Variants in AXL observed in about 807,000 individuals in gnomAD.
The protein encoded by AXL is AXL receptor tyrosine kinase.
In AXL, 52 loss-of-function variants were observed where a neutral mutation model predicts 104.5. That is an observed-to-expected ratio of 0.50 (90% CI 0.40 to 0.63). AXL has a LOEUF of 0.63. Among genes scored for constraint, AXL ranks in the 20% least tolerant of loss-of-function variants. AXL has a pLI of 0.00. For synonymous variants in AXL, 455 were observed against 473.7 expected (o/e 0.96, Z 0.51); for missense variants, 1,024 against 1,188.5 (o/e 0.86, Z 2.04).
chr19:41,228,425 G>A (rs1204080524), intron 4 of AXL, among the ~76,000 whole-genome samples: 1 of 152,002 alleles, frequency 6.6e-6, no homozygotes, highest in East Asian at 1.9e-4. Context: ...ATGGTGGCGC[G>A]CTCCTGTAAT....
intron 14 of AXL, among the ~76,000 whole-genome samples, chr19:41,249,127 C>A (rs772884206): frequency 2.0e-5 from 3 of 152,102 alleles, no homozygotes; most frequent in Non-Finnish European, 4.4e-5. Context: ...CAGCTAGGGA[C>A]ACCAGGCAGG....
chr19:41,242,844 A>G (rs1423768748), intron 10 of AXL, 39 bp from the exon 11 acceptor site: 3 of 1,612,146 alleles, frequency 1.9e-6, no homozygotes, highest in Admixed American at 3.3e-5. Flanking sequence ...GCTGGATCCA[A>G]GGCTTCATCC....
chr19:41,240,716 C>T (rs1274649849), intron 10 of AXL, among the ~76,000 whole-genome samples: 1 of 152,096 alleles, frequency 6.6e-6, no homozygotes, highest in Non-Finnish European at 1.5e-5. Flanking sequence ...TCCGTTCCTC[C>T]CACATGACCC....
chr19:41,245,081 C>T (rs1186683472), intron 12 of AXL, among the ~76,000 whole-genome samples: 1 of 151,868 alleles, frequency 6.6e-6, no homozygotes, highest in African/African-American at 2.4e-5. Context: ...CAGGCACATG[C>T]CACAACGCCT....
intron 12 of AXL, among the ~76,000 whole-genome samples, chr19:41,245,713 CA>C (rs371879527): frequency 0.21 from 13,136 of 62,962 alleles, 463 homozygotes; most frequent in African/African-American, 0.24. Context: ...GACACCGTCT[CA>C]AAAAAAAAAA....
At chr19:41,230,909 C>T (rs2033974592) in intron 4 of AXL, 58 bp from the exon 5 acceptor site, 3 of 1,569,070 alleles carry the variant, frequency 1.9e-6, no homozygotes, top group Non-Finnish European at 2.6e-6. Context: ...CCGGCATGGC[C>T]CCGGAGCCCT....
Position 41,242,869 on chromosome 19 carries a change from A to T in AXL, c.1313-14A>T, listed in dbSNP as rs758438429. The T allele has an allele frequency of 1.9e-5, 31 of 1,613,896 alleles. No individual in the cohort carries two copies. In the Admixed American group the frequency reaches 5.0e-4, roughly 26 times the overall value. On this transcript the variant is annotated splice_polypyrimidine_tract_variant and intron_variant, in intron 10 of 19. Coordinates refer to ENST00000301178, the MANE Select transcript of AXL (RefSeq NM_021913.5). Reference sequence around the variant, plus strand: ...AGGCTTCATCCATGACCTGTTCCTCATACCCCCTGATAGTGAAGGAACCTT... The same window carrying T: ...AGGCTTCATCCATGACCTGTTCCTCTTACCCCCTGATAGTGAAGGAACCTT...
rs1261256420 is a variant in AXL, at chr19:41,261,488, G to A, written c.*1584G>A. The A allele has an allele frequency of 2.0e-5, 3 of 152,398 alleles. No individual in the cohort carries two copies. The highest frequency in any genetic ancestry group is 7.2e-5 in the African/African-American group (3 of 41,452). 9.4% of individuals were successfully genotyped at this position (152,398 alleles called of 1,614,324 possible). A position where few individuals can be genotyped will look rare whatever the true frequency, so the allele number is the denominator to read the frequency against. On this transcript the variant is annotated 3_prime_UTR_variant, in exon 20 of 20. Transcript: ENST00000301178. ...AAAGGTCCACAGGTCTAGACTATTA[G>A]GTGCAATTTCAAGGTTCTAACCCTA...
chr19:41,256,452 G>A lies in AXL; in HGVS notation c.2037G>A (p.Met679Ile), dbSNP rs1466691509. 6.2e-7 allele frequency: 1 copy of A among 1,612,258 alleles called. No homozygotes were observed. Among genetic ancestry groups the A allele is most frequent in the Non-Finnish European group, 8.5e-7 (1 of 1,178,444 alleles). Residue 679 changes from methionine to isoleucine, a missense_variant and splice_region_variant, in exon 18 of 20, where the codon ATG (methionine) becomes ATA (isoleucine). By Grantham distance (10) the Met-to-Ile change is conservative. Around this residue, in one of 5 missense-constraint regions of AXL, gnomAD observed 523 missense variants for 636.0 expected, o/e 0.82. Coordinates refer to ENST00000301178, the MANE Select transcript of AXL (RefSeq NM_021913.5). ...CTGTTCCTTTCCCCAATCCAAACAG[G>A]CTGAATGAGAACATGTCCGTGTGTG... ...IHRDLAARNC[M>I]LNENMSVCVA...
intron 1 of AXL, among the ~76,000 whole-genome samples, chr19:41,220,115 C>T (rs1378483320): frequency 2.6e-5 from 4 of 151,972 alleles, no homozygotes; most frequent in African/African-American, 4.8e-5. Flanking sequence ...ATCCCCCCTC[C>T]GCCCCCACCT....
At chr19:41,250,268 G>A (rs2034340299) in intron 14 of AXL, among the ~76,000 whole-genome samples, 1 of 152,192 alleles carries the variant, frequency 6.6e-6, no homozygotes, top group African/African-American at 2.4e-5. Flanking sequence ...CCAGGGCTAA[G>A]TTCTTCACAC....
At chr19:41,245,076 A>G (rs902723185) in intron 12 of AXL, among the ~76,000 whole-genome samples, 6 of 151,786 alleles carry the variant, frequency 4.0e-5, no homozygotes, top group African/African-American at 1.5e-4. Context: ...GACTACAGGC[A>G]CATGCCACAA....
intron 12 of AXL, among the ~76,000 whole-genome samples, chr19:41,245,153 C>G (rs2122254196): frequency 6.6e-6 from 1 of 150,668 alleles, no homozygotes; most frequent in East Asian, 2.0e-4. Context: ...CTGGTCTCGA[C>G]CTCCTGAACC....
chr19:41,224,184 T>C (rs1221146157), intron 4 of AXL, among the ~76,000 whole-genome samples: 1 of 151,946 alleles, frequency 6.6e-6, no homozygotes, highest in Non-Finnish European at 1.5e-5. Context: ...TGGGACTCAC[T>C]GTATGAAAGT....
At position 41,219,452 on chromosome 19, in the gene AXL, C is replaced by A; in HGVS notation, c.60C>A (p.Cys20Ter). ...CGCTGGCCTGGTGCTTGGCGCTGTG[C>A]GGCTGGGCGTGCATGGCCCCCAGGG... is the stretch of plus-strand genomic sequence containing the variant. ...RVPLAWCLAL[C>*]GWACMAPRGT... The change falls in exon 1 of 20, where the codon TGC becomes TGA. Residue 20 changes from cysteine (C) to a stop codon, truncating the protein, a stop_gained. Coordinates refer to ENST00000301178, the MANE Select transcript of AXL (RefSeq NM_021913.5). LOFTEE classifies it high-confidence loss of function. 2 of 1,600,098 alleles carry A rather than the reference C, an allele frequency of 1.2e-6. No homozygotes were observed. Among genetic ancestry groups the A allele is most frequent in the East Asian group, 4.5e-5 (2 of 44,026 alleles).
chr19:41,238,639 G>C, intron 8 of AXL, 30 bp downstream of exon 8: 1 of 1,587,728 alleles, frequency 6.3e-7, no homozygotes, highest in Non-Finnish European at 8.6e-7. Flanking sequence ...TTGGAGTGGA[G>C]TGGCTTGGGG....
chr19:41,256,924 A>C (rs1395613449), intron 18 of AXL, among the ~76,000 whole-genome samples: 2 of 152,208 alleles, frequency 1.3e-5, no homozygotes, highest in Admixed American at 1.3e-4. Context: ...GGGTGTGCAG[A>C]GTGGCACATG....
chr19:41,222,135 TC>T, intron 4 of AXL, 79 bp downstream of exon 4: 1 of 1,354,774 alleles, frequency 7.4e-7, no homozygotes, highest in East Asian at 2.6e-5. Context: ...CATTGCTACC[TC>T]TGCGTGAGTG....
intron 4 of AXL, chr19:41,226,835 C>T (rs566508105): frequency 2.0e-6 from 2 of 980,148 alleles, no homozygotes; most frequent in African/African-American, 3.5e-5. Flanking sequence ...GTGGCTCTGC[C>T]TGCGATCCAG....
Sources: gnomAD v4.1 joint callset for allele counts (sites outside exome capture counted in the v4.1 genomes callset) on GRCh38, gnomAD v4.1.1 for gene constraint, gnomAD v4.1.1 regional missense constraint, MANE v1.5 for transcripts, NCBI Gene and HGNC (gene_info 2026-07-23, HGNC 2026-07-21) for gene names.